The following PITPNM3 variants were observed in gnomAD, a reference collection of about 807,000 sequenced individuals.
PITPNM3 encodes PITPNM family member 3, also known as membrane-associated phosphatidylinositol transfer protein 3.
Under a neutral mutation model 102.0 loss-of-function variants are expected in PITPNM3, and 26 were observed. The observed-to-expected ratio is 0.25, with a 90% CI of 0.19 to 0.35. The LOEUF (loss-of-function observed/expected upper bound fraction) is 0.35, where lower values mean the gene tolerates loss of function less well. PITPNM3 is among the 10% of genes least tolerant of loss of function. PITPNM3 has a pLI of 1.00. For missense variants in PITPNM3, 1,083 were observed against 1,346.1 expected, an observed-to-expected ratio of 0.80 and a Z score of 3.06; for synonymous variants, 578 against 558.6, an observed-to-expected ratio of 1.03 and a Z score of -0.49.
rs904114842 is a variant in PITPNM3 at position 6,454,342 on chromosome 17, G to A, written c.*996C>T. 3 of 152,050 alleles carry A rather than the reference G, an allele frequency of 2.0e-5. No individual in the cohort carries two copies. The highest frequency in any genetic ancestry group is 7.2e-5 in the African/African-American group (3 of 41,400). The allele number at this position is 152,050 out of a possible 1,614,324, so 9.4% of individuals were successfully genotyped here. A position where few individuals can be genotyped will look rare whatever the true frequency, so the allele number is the denominator to read the frequency against. On this transcript the variant is annotated 3_prime_UTR_variant, in exon 20 of 20. Transcript: ENST00000262483. ...ATCCCTTCCCAGCCCACCCAGAGAGGCTCCTTTAAGAGCCCCTCCTTTCCA... is the reference window on the plus strand; with the variant it reads ...ATCCCTTCCCAGCCCACCCAGAGAGACTCCTTTAAGAGCCCCTCCTTTCCA...
chr17:6,527,059 C>T (rs968712552), intron 2 of PITPNM3, among the ~76,000 whole-genome samples: 6 of 151,890 alleles, frequency 4.0e-5, no homozygotes, highest in Non-Finnish European at 7.4e-5. Context: ...GAGCTTTGTG[C>T]TTTTCCACAC....
At chr17:6,522,788 C>CCA (rs1908611407) in intron 3 of PITPNM3, among the ~76,000 whole-genome samples, 3 of 152,122 alleles carry the variant, frequency 2.0e-5, no homozygotes, top group Non-Finnish European at 4.4e-5. Context: ...AGATACTTCC[C>CCA]AGAGCCTCTC....
At chr17:6,549,784 T>C (rs995451621) in intron 1 of PITPNM3, among the ~76,000 whole-genome samples, 2 of 152,126 alleles carry the variant, frequency 1.3e-5, no homozygotes, top group African/African-American at 2.4e-5. Flanking sequence ...TTGTTATGCA[T>C]TCTCTCCTCC....
chr17:6,501,565 G>GCCC (rs1189169717), intron 4 of PITPNM3, among the ~76,000 whole-genome samples: 3 of 152,130 alleles, frequency 2.0e-5, no homozygotes, highest in Admixed American at 2.0e-4. Context: ...AAATCAGCCA[G>GCCC]CCCTGCATGG....
At chr17:6,515,953 G>A (rs533033903) in intron 3 of PITPNM3, among the ~76,000 whole-genome samples, 7 of 152,300 alleles carry the variant, frequency 4.6e-5, no homozygotes, top group African/African-American at 7.2e-5. Flanking sequence ...GGCTGAGGCC[G>A]GAGGATCGCT....
chr17:6,527,187 G>A (rs566259868), intron 2 of PITPNM3, among the ~76,000 whole-genome samples: 9 of 152,318 alleles, frequency 5.9e-5, no homozygotes, highest in South Asian at 4.1e-4. Flanking sequence ...AAAATACGAC[G>A]CAAGTCAAGG....
At chr17:6,463,366 C>T (rs1904570110) in intron 17 of PITPNM3, among the ~76,000 whole-genome samples, 1 of 128,066 alleles carries the variant, frequency 7.8e-6, no homozygotes, top group South Asian at 2.3e-4. Flanking sequence ...GCCCAGCACA[C>T]AGCCCAGCCA....
intron 2 of PITPNM3, among the ~76,000 whole-genome samples, chr17:6,532,925 C>T (rs1597408034): frequency 6.6e-6 from 1 of 152,100 alleles, no homozygotes; most frequent in African/African-American, 2.4e-5. Context: ...TCCCGCCAGC[C>T]GAGTTTGAAA....
At position 6,458,020 on chromosome 17, in the gene PITPNM3, G is replaced by A. The variant is rs1914181780; in HGVS notation, c.2491-298C>T. ...ATAATGAAGGCAAGCGTTCCTTTGT[G>A]GATAAGGAAATTGAGTTCCAGGTTT... On this transcript the variant is annotated intron_variant, in intron 18 of 19. Coordinates refer to ENST00000262483, the MANE Select transcript of PITPNM3 (RefSeq NM_031220.4). This position sits in a 1 kb window ranked among gnomAD's most constrained non-coding sequence, Gnocchi z 5.1. Among the ~76,000 whole-genome samples, 1 of 152,162 alleles carries A rather than the reference G, an allele frequency of 6.6e-6. No individual in the cohort carries two copies. The highest frequency in any genetic ancestry group is 6.5e-5 in the Admixed American group (1 of 15,280).
At chr17:6,508,510 G>T (rs1907677697) in intron 3 of PITPNM3, among the ~76,000 whole-genome samples, 1 of 152,186 alleles carries the variant, frequency 6.6e-6, no homozygotes, top group Non-Finnish European at 1.5e-5. Context: ...GGCTTCCCAG[G>T]ACGGCTCAGG....
Position 6,517,896 on chromosome 17 carries a change from C to T in PITPNM3, c.226+7460G>A, listed in dbSNP as rs181294084. On this transcript the variant is annotated intron_variant, in intron 3 of 19. Transcript: ENST00000262483. The surrounding 1 kb of genome is among the most constrained non-coding windows in gnomAD (Gnocchi z 4.1). ...TTTTCAAATGTATGTTAAAACTGTA[C>T]GTTTCTAGAACTACAAAAAAAGGAG... Among the ~76,000 whole-genome samples, 3 of 152,000 alleles carry T rather than the reference C, an allele frequency of 2.0e-5. No homozygotes were observed. The highest frequency in any genetic ancestry group is 1.3e-4 in the Admixed American group (2 of 15,262).
intron 2 of PITPNM3, among the ~76,000 whole-genome samples, chr17:6,534,006 C>T (rs1567691763): frequency 6.6e-6 from 1 of 152,204 alleles, no homozygotes; most frequent in African/African-American, 2.4e-5. Context: ...GCCTCCGTTT[C>T]CCAGCTTGTA....
chr17:6,485,118 G>A lies in PITPNM3; in HGVS notation c.275-826C>T, dbSNP rs189989391. On this transcript the variant is annotated intron_variant, in intron 4 of 19. Transcript: ENST00000262483. Reference sequence around the variant, plus strand: ...CCTCCATCATCACGAAACCATGCACGAAAGCCAGTCCCTCATAATAAGTCT... The same window carrying A: ...CCTCCATCATCACGAAACCATGCACAAAAGCCAGTCCCTCATAATAAGTCT... 6.3e-3 allele frequency among the ~76,000 whole-genome samples: 960 copies of A among 151,772 alleles called. 7 individuals are homozygous for A. The highest frequency in any genetic ancestry group is 0.055 in the Middle Eastern group (16 of 292).
rs1397819756 is a variant in PITPNM3 at position 6,525,482 on chromosome 17, G to A, written c.119-19C>T. On this transcript the variant is annotated intron_variant, in intron 2 of 19. Coordinates refer to ENST00000262483, the MANE Select transcript of PITPNM3 (RefSeq NM_031220.4). ...ATCTCCTCTGTGGGAAGAAGCAGCG[G>A]TGAGCAGAAGCAGGTGCAGCTAGGG... is the stretch of plus-strand genomic sequence containing the variant. 1 of 1,594,112 alleles carries A rather than the reference G, an allele frequency of 6.3e-7. No individual in the cohort carries two copies. Among genetic ancestry groups the A allele is most frequent in the Non-Finnish European group, 8.6e-7 (1 of 1,161,812 alleles).
intron 4 of PITPNM3, among the ~76,000 whole-genome samples, chr17:6,492,582 C>A (rs920347609): frequency 6.6e-6 from 1 of 152,130 alleles, no homozygotes; most frequent in Middle Eastern, 3.2e-3. Flanking sequence ...CGAGGCTAGG[C>A]GCCATGGCTC....
chr17:6,463,447 C>T (rs11651937), intron 17 of PITPNM3, among the ~76,000 whole-genome samples: 4 of 133,938 alleles, frequency 3.0e-5, no homozygotes, highest in Non-Finnish European at 6.3e-5. Context: ...AGGAGGGAGG[C>T]AGGGAGGGAA....
In PITPNM3 at chr17:6,474,666, T is replaced by C. The variant is rs12452411; in HGVS notation, c.1086-62A>G. 0.26 allele frequency: 398,225 copies of C among 1,508,720 alleles called. 53,609 individuals are homozygous for C. Among genetic ancestry groups the C allele is most frequent in the Admixed American group, 0.31 (15,879 of 50,586 alleles). 93.5% of individuals were successfully genotyped at this position (1,508,720 alleles called of 1,614,324 possible). A position where few individuals can be genotyped will look rare whatever the true frequency, so the allele number is the denominator to read the frequency against. On this transcript the variant is annotated intron_variant, in intron 9 of 19. Coordinates refer to ENST00000262483, the MANE Select transcript of PITPNM3 (RefSeq NM_031220.4). The stretch of plus-strand genomic sequence containing the variant: ...GGGAAGGACCGAGAATGCGGGAGTG[T>C]TCACACAGCAGCGCAGCCTGAATTC...
In PITPNM3 at chr17:6,455,250, C is replaced by T; in HGVS notation, c.*88G>A. 6.9e-7 allele frequency: 1 copy of T among 1,443,312 alleles called. No homozygotes were observed. Among genetic ancestry groups the T allele is most frequent in the Non-Finnish European group, 9.2e-7 (1 of 1,082,602 alleles). The allele number at this position is 1,443,312 out of a possible 1,614,324, so 89.4% of individuals were successfully genotyped here. A position where few individuals can be genotyped will look rare whatever the true frequency, so the allele number is the denominator to read the frequency against. On this transcript the variant is annotated 3_prime_UTR_variant, in exon 20 of 20. Coordinates refer to ENST00000262483, the MANE Select transcript of PITPNM3 (RefSeq NM_031220.4). ...ACGGGAGGGAAAAAGCAGGAAAACG[C>T]CTGTGTCGGGGAGAGGGCAGCCCCC...
At position 6,468,370 on chromosome 17, in the gene PITPNM3, C is replaced by T. The variant is rs776824103; in HGVS notation, c.1774-29G>A. On this transcript the variant is annotated intron_variant, in intron 13 of 19. Transcript: ENST00000262483. This position sits in a 1 kb window ranked among gnomAD's most constrained non-coding sequence, Gnocchi z 5.2. ...GCCAAGAGCCGAGCAGGGCCCCGGTCAGGTCTTCTGGCTTCTCTGCTTCCC... is the reference window on the plus strand; with the variant it reads ...GCCAAGAGCCGAGCAGGGCCCCGGTTAGGTCTTCTGGCTTCTCTGCTTCCC... The T allele has an allele frequency of 1.1e-5, 18 of 1,608,482 alleles. No individual in the cohort carries two copies. The Admixed American group carries it at 1.2e-4, about 10-fold the overall frequency.
Sources: gnomAD v4.1 joint callset for allele counts (sites outside exome capture counted in the v4.1 genomes callset) on GRCh38, gnomAD v4.1.1 for gene constraint, Gnocchi (gnomAD v3.1) non-coding constraint, MANE v1.5 for transcripts, NCBI Gene and HGNC (gene_info 2026-07-23, HGNC 2026-07-21) for gene names.